Variants in NRXN3 observed in about 807,000 individuals in gnomAD.
NRXN3 encodes neurexin III.
NRXN3 carries 32 observed loss-of-function variants against 137.6 expected under a neutral mutation model. The ratio of observed to expected loss-of-function variants is 0.23; its 90% confidence interval spans 0.18 to 0.31. The LOEUF (loss-of-function observed/expected upper bound fraction) is 0.31. Ranked by LOEUF, NRXN3 falls within the 10% of genes least tolerant of loss-of-function variation. The pLI, the probability that NRXN3 is intolerant of heterozygous loss-of-function variation, is 1.00. For synonymous variants in NRXN3, 798 were observed against 784.5 expected, an observed-to-expected ratio of 1.02 and a Z score of -0.29; for missense variants, 1,574 against 2,062.5, an observed-to-expected ratio of 0.76 and a Z score of 4.59.
At chr14:79,822,035 C>T (rs920606469) in intron 20 of NRXN3, among the ~76,000 whole-genome samples, 16 of 152,138 alleles carry the variant, frequency 1.1e-4, no homozygotes, top group Admixed American at 5.9e-4. Flanking sequence ...CCATACAAGA[C>T]GATATCATTG....
chr14:78,296,266 A>C (rs749099919), intron 3 of NRXN3, among the ~76,000 whole-genome samples: 4 of 151,872 alleles, frequency 2.6e-5, no homozygotes, highest in Admixed American at 6.6e-5. Flanking sequence ...GGGTTTCACT[A>C]TGTTGCCCAG....
intron 1 of NRXN3, among the ~76,000 whole-genome samples, chr14:78,235,038 G>GTATATATATATATA (rs1567037889): frequency 1.3e-5 from 1 of 76,706 alleles, no homozygotes. Context: ...ATATATATAT[G>GTATATATATATATA]TGTGTGTGTG....
At chr14:78,582,285 C>T (rs78481790) in intron 4 of NRXN3, among the ~76,000 whole-genome samples, 4 of 152,330 alleles carry the variant, frequency 2.6e-5, no homozygotes, top group Non-Finnish European at 5.9e-5. Context: ...TCCTCTCCCA[C>T]CACTGCTGTT....
intron 15 of NRXN3, among the ~76,000 whole-genome samples, chr14:79,145,844 G>T (rs1471319758): frequency 6.6e-6 from 1 of 152,128 alleles, no homozygotes; most frequent in Non-Finnish European, 1.5e-5. Context: ...TTGGCAAGAG[G>T]ATAGAGGAAA....
intron 15 of NRXN3, among the ~76,000 whole-genome samples, chr14:79,068,638 T>C (rs2099683710): frequency 6.6e-6 from 1 of 152,134 alleles, no homozygotes; most frequent in Non-Finnish European, 1.5e-5. Flanking sequence ...GGATACCAGA[T>C]GTTTTATTTT....
intron 6 of NRXN3, among the ~76,000 whole-genome samples, chr14:78,668,930 A>ATCTATCTG (rs573422799): frequency 0.053 from 7,914 of 149,196 alleles, 415 homozygotes; most frequent in African/African-American, 0.14. Context: ...CTATCTATCT[A>ATCTATCTG]TCTGTCTGTC....
intron 19 of NRXN3, among the ~76,000 whole-genome samples, chr14:79,782,716 C>A (rs760405623): frequency 6.6e-6 from 1 of 152,124 alleles, no homozygotes; most frequent in African/African-American, 2.4e-5. Context: ...AAAGAGCTGT[C>A]AGATCTAACT....
intron 4 of NRXN3, among the ~76,000 whole-genome samples, chr14:78,565,644 G>A (rs777318125): frequency 3.9e-5 from 6 of 152,210 alleles, no homozygotes; most frequent in African/African-American, 1.4e-4. Context: ...TGAGGTGCCA[G>A]TGTGATAATA....
chr14:79,021,157 A>C (rs2099589062), intron 15 of NRXN3, among the ~76,000 whole-genome samples: 1 of 152,142 alleles, frequency 6.6e-6, no homozygotes, highest in Non-Finnish European at 1.5e-5. Flanking sequence ...TCATATTGAA[A>C]ATCCTTACAA....
chr14:79,323,715 C>T (rs899813887), intron 15 of NRXN3, among the ~76,000 whole-genome samples: 65 of 152,040 alleles, frequency 4.3e-4, no homozygotes, highest in African/African-American at 1.4e-3. Context: ...AAAACGTAGC[C>T]GGGCGTGGCG....
At chr14:78,213,889 C>T (rs1595967457) in intron 1 of NRXN3, among the ~76,000 whole-genome samples, 1 of 152,180 alleles carries the variant, frequency 6.6e-6, no homozygotes, top group Non-Finnish European at 1.5e-5. Context: ...TCTGTTTATT[C>T]GCCAGAAACT....
At chr14:79,748,389 A>T (rs1381869353) in intron 19 of NRXN3, among the ~76,000 whole-genome samples, 1 of 152,104 alleles carries the variant, frequency 6.6e-6, no homozygotes, top group African/African-American at 2.4e-5. Flanking sequence ...TGGACTGGAA[A>T]AGGGTAAAGT....
Position 79,186,532 on chromosome 14 carries a change from G to C in NRXN3, c.3262+198391G>C, listed in dbSNP as rs933521659. ...TGCTTTCAGTAATTACATTGAAGTT[G>C]TCCCAAAGGCAGAAGAAAGAAAAAG... On this transcript the variant is annotated intron_variant, in intron 15 of 20. Coordinates refer to ENST00000335750, the MANE Select transcript of NRXN3 (RefSeq NM_001330195.2). 2.0e-5 allele frequency among the ~76,000 whole-genome samples: 3 copies of C among 152,132 alleles called. No individual in the cohort carries two copies. The East Asian group carries it at 5.8e-4, about 29-fold the overall frequency.
intron 10 of NRXN3, among the ~76,000 whole-genome samples, chr14:78,812,688 A>G (rs1304523440): frequency 1.3e-5 from 2 of 152,246 alleles, no homozygotes; most frequent in Non-Finnish European, 2.9e-5. Flanking sequence ...CACCAAAAAC[A>G]GCATTGAGAG....
At chr14:78,640,572 A>G (rs1312096177) in intron 4 of NRXN3, among the ~76,000 whole-genome samples, 1 of 152,208 alleles carries the variant, frequency 6.6e-6, no homozygotes, top group Admixed American at 6.5e-5. Context: ...TATAAATTAT[A>G]AGTTGGGTGT....
intron 17 of NRXN3, among the ~76,000 whole-genome samples, chr14:79,679,349 A>T (rs2098657695): frequency 6.6e-6 from 1 of 152,192 alleles, no homozygotes; most frequent in Non-Finnish European, 1.5e-5. Context: ...TAATCTTTAG[A>T]CATGTTCCTC....
chr14:79,408,885 A>G lies in NRXN3; in HGVS notation c.3263-58336A>G, dbSNP rs151129588. On this transcript the variant is annotated intron_variant, in intron 15 of 20. Coordinates refer to ENST00000335750, the MANE Select transcript of NRXN3 (RefSeq NM_001330195.2). ...ACTTTCTTTGTTCCTTTGTGGGTGT[A>G]CTCAGAACATCATTACATTCAAGTA... Among the ~76,000 whole-genome samples, 358 of 152,070 alleles carry G rather than the reference A, an allele frequency of 2.4e-3. 8 individuals carry two copies. In the East Asian group the frequency reaches 0.058, roughly 25 times the overall value.
At chr14:78,335,520 T>A (rs761296608) in intron 4 of NRXN3, among the ~76,000 whole-genome samples, 6 of 152,350 alleles carry the variant, frequency 3.9e-5, no homozygotes, top group Middle Eastern at 3.4e-3. Context: ...ACTGATTGAT[T>A]GATTGATATT....
At chr14:78,234,108 A>G (rs2065848648) in intron 1 of NRXN3, among the ~76,000 whole-genome samples, 3 of 152,176 alleles carry the variant, frequency 2.0e-5, no homozygotes, top group African/African-American at 4.8e-5. Context: ...GCCTGCCCCA[A>G]TGTAAGATGT....
Sources: gnomAD v4.1 joint callset for allele counts (sites outside exome capture counted in the v4.1 genomes callset) on GRCh38, gnomAD v4.1.1 for gene constraint, MANE v1.5 for transcripts, NCBI Gene and HGNC (gene_info 2026-07-23, HGNC 2026-07-21) for gene names.